Variants in SIPA1L1 observed in about 807,000 individuals in gnomAD.
SIPA1L1 encodes the protein signal-induced proliferation-associated 1-like protein 1.
Under a neutral mutation model 162.7 loss-of-function variants are expected in SIPA1L1, and 26 were observed. The observed-to-expected ratio is 0.16, with a 90% CI of 0.12 to 0.22. The LOEUF is 0.22. Ranked by LOEUF, SIPA1L1 falls within the 10% of genes least tolerant of loss-of-function variation. The pLI is 1.00. For synonymous variants in SIPA1L1, 829 were observed against 837.4 expected (o/e 0.99, Z 0.17); for missense variants, 1,874 against 2,241.0 (o/e 0.84, Z 3.31).
chr14:71,604,060 G>C (rs1034241447), intron 5 of SIPA1L1, among the ~76,000 whole-genome samples: 19 of 146,494 alleles, frequency 1.3e-4, no homozygotes, highest in Admixed American at 6.8e-5. Flanking sequence ...GTAGAGGCCT[G>C]ATCTCAGCTA....
chr14:71,328,319 G>A (rs1426919237), intron 2 of SIPA1L1, among the ~76,000 whole-genome samples: 1 of 152,174 alleles, frequency 6.6e-6, no homozygotes, highest in East Asian at 1.9e-4. Flanking sequence ...CTGATTTTCT[G>A]TGGTTTGGGT....
intron 2 of SIPA1L1, among the ~76,000 whole-genome samples, chr14:71,371,836 G>A (rs1209209505): frequency 1.3e-5 from 2 of 152,150 alleles, no homozygotes; most frequent in African/African-American, 4.8e-5. Context: ...GGTTTCACAT[G>A]TATTCTTTGT....
chr14:71,689,246 C>A (rs1487882180), intron 13 of SIPA1L1, among the ~76,000 whole-genome samples: 3 of 152,070 alleles, frequency 2.0e-5, no homozygotes, highest in African/African-American at 7.2e-5. Context: ...GAGAAACTGA[C>A]ACAGTAAGAA....
At chr14:71,722,317 A>G (rs920933022) in intron 17 of SIPA1L1, among the ~76,000 whole-genome samples, 2 of 152,198 alleles carry the variant, frequency 1.3e-5, no homozygotes, top group Admixed American at 6.5e-5. Flanking sequence ...AGAGGGTTCT[A>G]TTCAGTTATC....
At chr14:71,429,637 G>C (rs1313685753) in intron 2 of SIPA1L1, among the ~76,000 whole-genome samples, 2 of 152,062 alleles carry the variant, frequency 1.3e-5, no homozygotes, top group African/African-American at 4.8e-5. Flanking sequence ...CTATGCAGTT[G>C]TCAGGTCATG....
chr14:71,370,438 T>C (rs1294068178), intron 2 of SIPA1L1, among the ~76,000 whole-genome samples: 2 of 152,166 alleles, frequency 1.3e-5, no homozygotes, highest in Non-Finnish European at 2.9e-5. Flanking sequence ...TTTTTGTCTT[T>C]GGCTCTTATT....
chr14:71,722,606 T>A (rs532178558), intron 17 of SIPA1L1, among the ~76,000 whole-genome samples: 2 of 152,308 alleles, frequency 1.3e-5, no homozygotes, highest in East Asian at 3.9e-4. Flanking sequence ...GTTAAAGGCC[T>A]TCCACTTTTA....
intron 12 of SIPA1L1, among the ~76,000 whole-genome samples, 172 bp from the exon 13 acceptor site, chr14:71,685,190 G>A (rs929554588): frequency 6.6e-6 from 1 of 152,140 alleles, no homozygotes; most frequent in African/African-American, 2.4e-5. Flanking sequence ...ACTTCCTTGG[G>A]TTCTGGTTTT....
chr14:71,503,348 A>G (rs985141592), intron 2 of SIPA1L1, among the ~76,000 whole-genome samples: 1 of 152,234 alleles, frequency 6.6e-6, no homozygotes, highest in Non-Finnish European at 1.5e-5. Context: ...TTCTCTGAGT[A>G]AACTGCTGTC....
chr14:71,633,802 TG>T (rs758726050), intron 7 of SIPA1L1, among the ~76,000 whole-genome samples: 52 of 152,078 alleles, frequency 3.4e-4, no homozygotes, highest in Non-Finnish European at 6.8e-4. Context: ...AAGAGTAGAC[TG>T]GGGGAAACAA....
At chr14:71,650,942 T>C (rs2149083484) in intron 8 of SIPA1L1, among the ~76,000 whole-genome samples, 1 of 152,334 alleles carries the variant, frequency 6.6e-6, no homozygotes, top group East Asian at 1.9e-4. Context: ...TTTGTTTTTT[T>C]GTATTCTTTT....
intron 7 of SIPA1L1, among the ~76,000 whole-genome samples, chr14:71,628,802 G>A (rs2040284590): frequency 6.6e-6 from 1 of 152,156 alleles, no homozygotes; most frequent in Non-Finnish European, 1.5e-5. Context: ...TCAGGCCAGG[G>A]AATAAGCAGT....
intron 2 of SIPA1L1, among the ~76,000 whole-genome samples, chr14:71,501,078 T>C (rs1000963522): frequency 2.0e-5 from 3 of 152,202 alleles, no homozygotes; most frequent in African/African-American, 4.8e-5. Context: ...CCCAGTACTT[T>C]GGGAGGCCAA....
intron 2 of SIPA1L1, among the ~76,000 whole-genome samples, chr14:71,363,102 CCTTT>C (rs2037964864): frequency 6.6e-6 from 1 of 152,180 alleles, no homozygotes; most frequent in African/African-American, 2.4e-5. Context: ...AAGGGATTAT[CCTTT>C]CTTCTAATAC....
chr14:71,446,906 GTTTTTTTTTTT>G (rs1189940440), intron 2 of SIPA1L1, among the ~76,000 whole-genome samples: 6 of 53,244 alleles, frequency 1.1e-4, no homozygotes, highest in South Asian at 1.5e-3. Flanking sequence ...TTTTTTTTTT[GTTTTTTTTTTT>G]TTTTTTTTTT....
chr14:71,588,755 A>T lies in SIPA1L1; in HGVS notation c.883A>T (p.Ile295Phe). The stretch of plus-strand genomic sequence containing the variant: ...AAAATCTGAAACTGGAGACTCATCT[A>T]TTTTTCGTAAATTGCGCAATGCCAA... Reference protein sequence around the residue: ...RSKSETGDSSIFRKLRNAKGE... With the variant: ...RSKSETGDSSFFRKLRNAKGE... Residue 295 changes from isoleucine (I) to phenylalanine (F), a missense_variant, in exon 5 of 24, where the codon ATT becomes TTT. By Grantham distance (21) the Ile-to-Phe change is conservative. Transcript: ENST00000381232. The surrounding 1 kb of genome is among the most constrained non-coding windows in gnomAD (Gnocchi z 4.3). 6.2e-7 allele frequency: 1 copy of T among 1,614,082 alleles called. No homozygotes were observed. The highest frequency in any genetic ancestry group is 8.5e-7 in the Non-Finnish European group (1 of 1,179,964).
Position 71,563,229 on chromosome 14 carries a change from G to A in SIPA1L1, c.-302-24342G>A, listed in dbSNP as rs920408143. The stretch of plus-strand genomic sequence containing the variant: ...ATTACTACTTGACATAAAATGTCAT[G>A]TTTTAGTACAAATACTTCTTTTATC... On this transcript the variant is annotated intron_variant, in intron 4 of 23. Coordinates refer to ENST00000381232, the MANE Select transcript of SIPA1L1 (RefSeq NM_001386936.1). Among the ~76,000 whole-genome samples the A allele has an allele frequency of 6.7e-5, 10 of 149,280 alleles. 1 individual carries two copies. In the East Asian group the frequency reaches 1.9e-3, roughly 29 times the overall value.
chr14:71,504,480 A>T (rs942586348), intron 2 of SIPA1L1, among the ~76,000 whole-genome samples: 9 of 152,186 alleles, frequency 5.9e-5, no homozygotes, highest in African/African-American at 1.7e-4. Flanking sequence ...TGTTGTAGTT[A>T]TATAGTAACA....
chr14:71,553,029 G>A (rs993312386), intron 4 of SIPA1L1, among the ~76,000 whole-genome samples: 4 of 152,064 alleles, frequency 2.6e-5, no homozygotes, highest in African/African-American at 4.8e-5. Flanking sequence ...TCAGATTGCC[G>A]ATATCTCCAA....
Sources: allele counts gnomAD v4.1 joint callset (sites outside exome capture counted in the v4.1 genomes callset), GRCh38; gene constraint gnomAD v4.1.1; non-coding constraint Gnocchi (gnomAD v3.1); transcripts MANE v1.5; gene names NCBI Gene and HGNC (gene_info 2026-07-23, HGNC 2026-07-21).